Variants in DLG2 observed in about 807,000 individuals in gnomAD.
DLG2 encodes disks large homolog 2.
Under a neutral mutation model 132.5 loss-of-function variants are expected in DLG2, and 45 were observed. The observed-to-expected ratio is 0.34, with a 90% CI of 0.27 to 0.44. The LOEUF (loss-of-function observed/expected upper bound fraction) is 0.44. DLG2 is among the 20% of genes least tolerant of loss of function. DLG2 has a pLI of 1.00. For missense variants in DLG2, 1,045 were observed against 1,196.9 expected (o/e 0.87, Z 1.87); for synonymous variants, 424 against 419.6 (o/e 1.01, Z -0.13).
At chr11:83,973,187 A>C (rs1217896830) in intron 12 of DLG2, among the ~76,000 whole-genome samples, 1 of 152,134 alleles carries the variant, frequency 6.6e-6, no homozygotes, top group Non-Finnish European at 1.5e-5. Context: ...TTAGCATAGT[A>C]ATATATATGT....
chr11:84,654,578 C>A (rs1054039884), intron 6 of DLG2, among the ~76,000 whole-genome samples: 13 of 152,248 alleles, frequency 8.5e-5, no homozygotes, highest in Admixed American at 7.2e-4. Context: ...TTTAGTAAGT[C>A]CTGTCATTTA....
At chr11:85,321,669 G>A (rs2081077604) in intron 3 of DLG2, among the ~76,000 whole-genome samples, 1 of 152,044 alleles carries the variant, frequency 6.6e-6, no homozygotes, top group South Asian at 2.1e-4. Context: ...GCAAAGGATT[G>A]TAGTATCCAG....
chr11:84,579,188 C>CGTGTGTGTGTGT lies in DLG2; in HGVS notation c.358-44469_358-44458dup, dbSNP rs140667305. Among the ~76,000 whole-genome samples, 77 of 145,696 alleles carry CGTGTGTGTGTGT rather than the reference C, an allele frequency of 5.3e-4. 1 individual carries two copies. In the South Asian group the frequency reaches 6.6e-3, roughly 13 times the overall value. The stretch of plus-strand genomic sequence containing the variant: ...GAACTAATACACCTTGCATTATTCA[C>CGTGTGTGTGTGT]GTGTGTGTGTGTGTGTGTGTGTGTG... On this transcript the variant is annotated intron_variant, in intron 6 of 27. Transcript: ENST00000376104.
At chr11:84,822,972 T>C (rs1173597974) in intron 6 of DLG2, among the ~76,000 whole-genome samples, 1 of 151,922 alleles carries the variant, frequency 6.6e-6, no homozygotes, top group Non-Finnish European at 1.5e-5. Context: ...AGTTTTGATA[T>C]ATCAGTTTCC....
chr11:85,478,552 C>T (rs1361067528), intron 3 of DLG2, among the ~76,000 whole-genome samples: 2 of 152,172 alleles, frequency 1.3e-5, no homozygotes, highest in Admixed American at 6.5e-5. Flanking sequence ...AAGACCAAAG[C>T]TCAAATCTCA....
intron 6 of DLG2, among the ~76,000 whole-genome samples, chr11:84,892,326 C>T (rs79185297): frequency 0.096 from 14,646 of 152,076 alleles, 928 homozygotes; most frequent in African/African-American, 0.18. Flanking sequence ...AATCAGAGAT[C>T]TTGTTTCAGC....
intron 8 of DLG2, among the ~76,000 whole-genome samples, chr11:84,222,981 T>G (rs2096937013): frequency 6.6e-6 from 1 of 152,244 alleles, no homozygotes; most frequent in Non-Finnish European, 1.5e-5. Flanking sequence ...TAAGAGCAAC[T>G]TATAGCTCGT....
chr11:83,523,343 C>A (rs1460581490), intron 21 of DLG2, among the ~76,000 whole-genome samples: 1 of 152,150 alleles, frequency 6.6e-6, no homozygotes, highest in African/African-American at 2.4e-5. Context: ...TACATAACCA[C>A]ATATTATACA....
intron 17 of DLG2, among the ~76,000 whole-genome samples, chr11:83,791,746 C>A (rs7119010): frequency 0.25 from 37,980 of 152,028 alleles, 5,517 homozygotes; most frequent in African/African-American, 0.39. Flanking sequence ...CCAGCTTGGG[C>A]AACATAGGGA....
At chr11:83,895,087 T>A (rs1259067567) in intron 15 of DLG2, among the ~76,000 whole-genome samples, 1 of 151,984 alleles carries the variant, frequency 6.6e-6, no homozygotes, top group Non-Finnish European at 1.5e-5. Context: ...ATAAGACAAG[T>A]TATAAATAAT....
rs115642854 is a variant in DLG2, at chr11:83,964,843, A to G, written c.1201+481T>C. ...ACTTGCCAATATAACAAATTCAAGT[A>G]AAGTAAAAGCTATGTGATGGTGATT... On this transcript the variant is annotated intron_variant, in intron 13 of 27. Coordinates refer to ENST00000376104, the MANE Select transcript of DLG2 (RefSeq NM_001142699.3). 4.7e-3 allele frequency among the ~76,000 whole-genome samples: 710 copies of G among 152,096 alleles called. 4 individuals carry two copies. The highest frequency in any genetic ancestry group is 0.017 in the African/African-American group (687 of 41,526).
intron 22 of DLG2, among the ~76,000 whole-genome samples, chr11:83,481,299 T>C (rs990465327): frequency 2.0e-5 from 3 of 152,108 alleles, no homozygotes; most frequent in Non-Finnish European, 4.4e-5. Flanking sequence ...TAAAATCATT[T>C]TCGCTCATCC....
intron 8 of DLG2, among the ~76,000 whole-genome samples, chr11:84,232,378 C>G (rs533452025): frequency 6.6e-6 from 1 of 152,164 alleles, no homozygotes; most frequent in Non-Finnish European, 1.5e-5. Flanking sequence ...GTACCTGGCA[C>G]AAGTAGGCAT....
chr11:83,972,345 G>A (rs1239728187), intron 12 of DLG2, among the ~76,000 whole-genome samples: 1 of 152,074 alleles, frequency 6.6e-6, no homozygotes, highest in East Asian at 1.9e-4. Flanking sequence ...TTGTGTTTAT[G>A]AGAAAAGAAT....
intron 21 of DLG2, among the ~76,000 whole-genome samples, chr11:83,488,044 T>C (rs1184402576): frequency 1.3e-5 from 2 of 152,000 alleles, no homozygotes; most frequent in Non-Finnish European, 2.9e-5. Context: ...CATTGAGTTG[T>C]ATACTGTGAG....
intron 16 of DLG2, among the ~76,000 whole-genome samples, chr11:83,856,965 A>T (rs1178065841): frequency 1.3e-5 from 2 of 152,160 alleles, no homozygotes; most frequent in Non-Finnish European, 2.9e-5. Flanking sequence ...TGGGTTTTAC[A>T]TTTAAGTGTT....
intron 7 of DLG2, among the ~76,000 whole-genome samples, chr11:84,527,316 G>A (rs1423746768): frequency 6.6e-6 from 1 of 152,140 alleles, no homozygotes; most frequent in Non-Finnish European, 1.5e-5. Flanking sequence ...ACTTTCCTAT[G>A]ATTGTGCTCT....
At chr11:85,163,052 A>T (rs1430992640) in intron 4 of DLG2, among the ~76,000 whole-genome samples, 1 of 152,186 alleles carries the variant, frequency 6.6e-6, no homozygotes, top group Non-Finnish European at 1.5e-5. Context: ...TTCCCAGCCT[A>T]CATCCTTCTC....
intron 6 of DLG2, among the ~76,000 whole-genome samples, chr11:84,943,167 CGTGTGTGTGTGT>C (rs201404405): frequency 4.4e-5 from 6 of 137,882 alleles, no homozygotes; most frequent in Middle Eastern, 4.0e-3. Context: ...TGTGTGTGTG[CGTGTGTGTGTGT>C]GTGTGTGTGT....
Sources: gnomAD v4.1 joint callset for allele counts (sites outside exome capture counted in the v4.1 genomes callset) on GRCh38, gnomAD v4.1.1 for gene constraint, MANE v1.5 for transcripts, NCBI Gene and HGNC (gene_info 2026-07-23, HGNC 2026-07-21) for gene names.